The following FMN1 variants were observed in gnomAD, a reference collection of about 807,000 sequenced individuals.
The protein encoded by FMN1 is formin-1.
In FMN1, 110 loss-of-function variants were observed where a neutral mutation model predicts 132.4. That is an observed-to-expected ratio of 0.83 (90% CI 0.71 to 0.97). The LOEUF is 0.97. Ranked by LOEUF, FMN1 falls within the 50% of genes least tolerant of loss-of-function variation. The pLI is 0.00. For missense variants in FMN1, 1,792 were observed against 1,705.3 expected (o/e 1.05, Z -0.90); for synonymous variants, 722 against 651.7 (o/e 1.11, Z -1.64).
intron 6 of FMN1, among the ~76,000 whole-genome samples, chr15:33,010,695 G>A (rs1014694823): frequency 2.5e-4 from 38 of 151,922 alleles, no homozygotes; most frequent in Admixed American, 1.4e-3. Context: ...AGATCCAACT[G>A]ATAAAATATT....
intron 5 of FMN1, among the ~76,000 whole-genome samples, chr15:33,078,819 C>A (rs2038330390): frequency 1.3e-5 from 2 of 152,014 alleles, no homozygotes; most frequent in African/African-American, 4.8e-5. Flanking sequence ...GAAAAAAATG[C>A]TTTTTTGAAA....
At chr15:33,029,159 A>G (rs926490145) in intron 6 of FMN1, among the ~76,000 whole-genome samples, 2 of 152,204 alleles carry the variant, frequency 1.3e-5, no homozygotes, top group African/African-American at 4.8e-5. Flanking sequence ...AAATACATAA[A>G]GAAACTAAGA....
intron 6 of FMN1, among the ~76,000 whole-genome samples, chr15:33,054,782 G>C (rs1054461258): frequency 1.3e-5 from 2 of 151,954 alleles, no homozygotes; most frequent in Non-Finnish European, 2.9e-5. Flanking sequence ...TTTGGTGAAA[G>C]CTTTTATGTC....
intron 6 of FMN1, among the ~76,000 whole-genome samples, chr15:33,060,720 G>A (rs1248939914): frequency 6.6e-6 from 1 of 152,224 alleles, no homozygotes; most frequent in African/African-American, 2.4e-5. Flanking sequence ...GCTTCAGGTA[G>A]AGAGAAAAGC....
intron 7 of FMN1, among the ~76,000 whole-genome samples, chr15:32,996,901 T>G (rs1028510476): frequency 6.6e-6 from 1 of 152,068 alleles, no homozygotes; most frequent in Non-Finnish European, 1.5e-5. Context: ...GAATCAGCAG[T>G]GTTGGGTATC....
In FMN1 at chr15:32,781,410, T is replaced by A. The variant is rs186351609; in HGVS notation, c.4131-4491A>T. Reference sequence around the variant, plus strand: ...TCCCTGCCCACATGCACACGTTAGTTACAATGAATTCAACATTCTTACTTG... The same window carrying A: ...TCCCTGCCCACATGCACACGTTAGTAACAATGAATTCAACATTCTTACTTG... On this transcript the variant is annotated intron_variant, in intron 19 of 20. Transcript: ENST00000616417. 8.0e-3 allele frequency among the ~76,000 whole-genome samples: 1,212 copies of A among 152,304 alleles called. 19 individuals carry two copies. Among genetic ancestry groups the A allele is most frequent in the African/African-American group, 0.028 (1,154 of 41,562 alleles).
intron 4 of FMN1, among the ~76,000 whole-genome samples, chr15:33,103,323 C>T (rs1449138939): frequency 6.6e-6 from 1 of 152,032 alleles, no homozygotes; most frequent in Admixed American, 6.6e-5. Flanking sequence ...TCTCTATGTC[C>T]CAGTCTCCTC....
At chr15:32,996,424 C>T (rs1313968261) in intron 7 of FMN1, among the ~76,000 whole-genome samples, 1 of 152,184 alleles carries the variant, frequency 6.6e-6, no homozygotes, top group Non-Finnish European at 1.5e-5. Context: ...AGGGCCATCA[C>T]TCCTAAGGAC....
Position 32,767,004 on chromosome 15 carries a change from C to T in FMN1, c.*7306G>A, listed in dbSNP as rs1055316945. The T allele has an allele frequency of 1.5e-4, 23 of 152,200 alleles. No individual in the cohort carries two copies. Among genetic ancestry groups the T allele is most frequent in the African/African-American group, 5.6e-4 (23 of 41,434 alleles). The allele number at this position is 152,200 out of a possible 1,614,324, so 9.4% of individuals were successfully genotyped here. A position where few individuals can be genotyped will look rare whatever the true frequency, so the allele number is the denominator to read the frequency against. ...TGGAGCTGTTAAACCAAGCACAGAC[C>T]AGTTTCACTGGGGTACCTGCTTTCC... On this transcript the variant is annotated 3_prime_UTR_variant, in exon 21 of 21. Transcript: ENST00000616417.
chr15:32,982,203 C>T (rs578118832), intron 7 of FMN1, among the ~76,000 whole-genome samples: 73 of 152,200 alleles, frequency 4.8e-4, no homozygotes, highest in African/African-American at 1.5e-3. Context: ...TATCACTGCA[C>T]GCCTATTAGG....
rs1268122838 is a variant in FMN1 at position 33,088,967 on chromosome 15, G to A, written c.1875C>T (p.Ser625=). ...EPQHQSPPGI[S]SEGFPWDGFN... is the part of the protein sequence containing the mutation. ...AGCCGTCCCAGGGAAAGCCCTCAGA[G>A]GAGATACCTAAACAAACACAGAGAA... Residue 625 remains serine (S), a synonymous_variant, in exon 5 of 21, where the codon TCC becomes TCT. Coordinates refer to ENST00000616417, the MANE Select transcript of FMN1 (RefSeq NM_001277313.2). The A allele has an allele frequency of 5.9e-6, 9 of 1,533,260 alleles. No homozygotes were observed. Among genetic ancestry groups the A allele is most frequent in the South Asian group, 3.6e-5 (3 of 83,346 alleles). The allele number at this position is 1,533,260 out of a possible 1,614,324, so 95.0% of individuals were successfully genotyped here. A position where few individuals can be genotyped will look rare whatever the true frequency, so the allele number is the denominator to read the frequency against.
rs996391405 is a variant in FMN1, at chr15:32,931,525, C to T, written c.3139-5264G>A. ...ATATTTTTGTGTTATAAGAACACAA[C>T]GAATTTTTGTTTGTTGATTTGGAAT... On this transcript the variant is annotated intron_variant, in intron 9 of 20. Coordinates refer to ENST00000616417, the MANE Select transcript of FMN1 (RefSeq NM_001277313.2). 5.9e-5 allele frequency among the ~76,000 whole-genome samples: 9 copies of T among 152,178 alleles called. No individual in the cohort carries two copies. The South Asian group carries it at 6.2e-4, about 11-fold the overall frequency.
intron 2 of FMN1, among the ~76,000 whole-genome samples, chr15:33,187,540 T>C (rs1267337489): frequency 6.6e-6 from 1 of 152,074 alleles, no homozygotes; most frequent in East Asian, 1.9e-4. Context: ...TATATCTAGG[T>C]AAGTAGGAAC....
At position 32,768,612 on chromosome 15, in the gene FMN1, C is replaced by T. The variant is rs1186835596; in HGVS notation, c.*5698G>A. The T allele has an allele frequency of 6.6e-6, 1 of 152,142 alleles. No individual in the cohort carries two copies. The highest frequency in any genetic ancestry group is 2.4e-5 in the African/African-American group (1 of 41,422). 9.4% of individuals were successfully genotyped at this position (152,142 alleles called of 1,614,324 possible). A position where few individuals can be genotyped will look rare whatever the true frequency, so the allele number is the denominator to read the frequency against. ...TATAGTGTGGTAGAGGTTGTTTAATCCATGCCAAATTCTTTGGACGTGATT... is the reference window on the plus strand; with the variant it reads ...TATAGTGTGGTAGAGGTTGTTTAATTCATGCCAAATTCTTTGGACGTGATT... On this transcript the variant is annotated 3_prime_UTR_variant, in exon 21 of 21. Coordinates refer to ENST00000616417, the MANE Select transcript of FMN1 (RefSeq NM_001277313.2).
At position 33,115,500 on chromosome 15, in the gene FMN1, C is replaced by CA. The variant is rs1001543357; in HGVS notation, c.1868-26527_1868-26526insT. On this transcript the variant is annotated intron_variant, in intron 4 of 20. Transcript: ENST00000616417. The stretch of plus-strand genomic sequence containing the variant: ...TGGATTTCATCCTTAAGCCCCCCCC[C>CA]CCCACACACACACGCACACACACAA... Among the ~76,000 whole-genome samples, 43 of 147,894 alleles carry CA rather than the reference C, an allele frequency of 2.9e-4. 1 individual carries two copies. The highest frequency in any genetic ancestry group is 7.9e-4 in the African/African-American group (31 of 39,472).
At chr15:32,954,882 G>A (rs190649493) in intron 9 of FMN1, among the ~76,000 whole-genome samples, 3 of 152,286 alleles carry the variant, frequency 2.0e-5, no homozygotes, top group East Asian at 1.9e-4. Flanking sequence ...AGGTGTGCCT[G>A]TAGTCCCAGC....
intron 9 of FMN1, among the ~76,000 whole-genome samples, chr15:32,961,068 C>T (rs1378448650): frequency 6.7e-6 from 1 of 149,540 alleles, no homozygotes; most frequent in Non-Finnish European, 1.5e-5. Flanking sequence ...CAAAACACTG[C>T]CTCAAACCTG....
At position 33,036,374 on chromosome 15, in the gene FMN1, T is replaced by C. The variant is rs191007864; in HGVS notation, c.2162-28299A>G. On this transcript the variant is annotated intron_variant, in intron 6 of 20. Transcript: ENST00000616417. ...CATACTTCCTTCACACATAATTCCATGTAGGAATACCATGCTATAAGGTTT... is the reference window on the plus strand; with the variant it reads ...CATACTTCCTTCACACATAATTCCACGTAGGAATACCATGCTATAAGGTTT... 4.8e-3 allele frequency among the ~76,000 whole-genome samples: 738 copies of C among 152,354 alleles called. 4 individuals are homozygous for C. Among genetic ancestry groups the C allele is most frequent in the African/African-American group, 0.017 (699 of 41,590 alleles).
chr15:32,885,566 A>G (rs2059877444), intron 16 of FMN1, among the ~76,000 whole-genome samples: 1 of 152,232 alleles, frequency 6.6e-6, no homozygotes, highest in African/African-American at 2.4e-5. Flanking sequence ...TCTGCCTCAC[A>G]AGGTCACTGC....
Sources: gnomAD v4.1 joint callset for allele counts (sites outside exome capture counted in the v4.1 genomes callset) on GRCh38, gnomAD v4.1.1 for gene constraint, MANE v1.5 for transcripts, NCBI Gene and HGNC (gene_info 2026-07-23, HGNC 2026-07-21) for gene names.